Variants in LAMP2 observed in about 807,000 individuals in gnomAD.
LAMP2 encodes lysosome associated membrane protein 2.
In LAMP2, 4 loss-of-function variants were observed where a neutral mutation model predicts 25.6. That is an observed-to-expected ratio of 0.16 (90% CI 0.08 to 0.36). LAMP2 has a LOEUF of 0.36. Ranked by LOEUF, LAMP2 falls within the 10% of genes least tolerant of loss-of-function variation. The pLI is 1.00. For missense variants in LAMP2, 272 were observed against 301.4 expected, an observed-to-expected ratio of 0.90 and a Z score of 0.72; for synonymous variants, 108 against 112.7, an observed-to-expected ratio of 0.96 and a Z score of 0.27.
rs1457002561 is a variant in LAMP2, at chrX:120,466,850, T to C, written c.64+2256A>G. ...AAGGACAAATAACTTCTTTTTTTTT[T>C]TTTTTTTTTGAGACAGAGTTTCGCT... On this transcript the variant is annotated intron_variant, in intron 1 of 8. Coordinates refer to ENST00000200639, the MANE Select transcript of LAMP2 (RefSeq NM_002294.3). 3.7e-5 allele frequency among the ~76,000 whole-genome samples: 4 copies of C among 106,841 alleles called. No homozygotes were observed. The Admixed American group carries it at 3.9e-4, about 11-fold the overall frequency. 92.8% of individuals were successfully genotyped at this position (106,841 alleles called of 115,157 possible).
chrX:120,464,472 G>A (rs753044819), intron 1 of LAMP2, among the ~76,000 whole-genome samples: 2 of 111,534 alleles, frequency 1.8e-5, no homozygotes, highest in South Asian at 7.5e-4. Context: ...CTTAGAGACT[G>A]CTACCATAGG....
At chrX:120,431,563 G>T in intron 8 of LAMP2, 101 bp from the exon 9 acceptor site, 2 of 766,538 alleles carry the variant, frequency 2.6e-6, no homozygotes, top group South Asian at 2.2e-5. Flanking sequence ...CGCATATTTT[G>T]GTTTTTTATA....
At chrX:120,437,348 C>A (rs2058549601) in intron 8 of LAMP2, 5 of 739,341 alleles carry the variant, frequency 6.8e-6, no homozygotes, top group Non-Finnish European at 7.9e-6. Flanking sequence ...CATTCAATGT[C>A]AATATTTTGG....
At chrX:120,450,049 T>C (rs952346860) in intron 3 of LAMP2, among the ~76,000 whole-genome samples, 9 of 112,400 alleles carry the variant, frequency 8.0e-5, no homozygotes, top group African/African-American at 2.9e-4. Flanking sequence ...CATACATTTG[T>C]ATAGTAAATC....
chrX:120,445,623 T>C (rs1430207916), intron 6 of LAMP2, among the ~76,000 whole-genome samples: 1 of 112,134 alleles, frequency 8.9e-6, no homozygotes, highest in East Asian at 2.8e-4. Context: ...CACACATACA[T>C]CCCTTCACAG....
Position 120,455,958 on chromosome X carries a change from G to A in LAMP2, c.184-388C>T, listed in dbSNP as rs1016211818. Reference sequence around the variant, plus strand: ...GCAGTTTGTGCCAAAAAAAAAAATCGCTTACTTAGGTTGGTGCAAAAGTAA... The same window carrying A: ...GCAGTTTGTGCCAAAAAAAAAAATCACTTACTTAGGTTGGTGCAAAAGTAA... On this transcript the variant is annotated intron_variant, in intron 2 of 8. Coordinates refer to ENST00000200639, the MANE Select transcript of LAMP2 (RefSeq NM_002294.3). Among the ~76,000 whole-genome samples, 89 of 94,727 alleles carry A rather than the reference G, an allele frequency of 9.4e-4. No individual in the cohort carries two copies. The Admixed American group carries it at 1.0e-2, about 11-fold the overall frequency. The allele number at this position is 94,727 out of a possible 115,157, so 82.3% of individuals were successfully genotyped here.
chrX:120,436,568 A>T (rs1303562031), intron 8 of LAMP2: 1 of 735,340 alleles, frequency 1.4e-6, no homozygotes, highest in Non-Finnish European at 1.6e-6. Context: ...ATATCTAAAG[A>T]TACCATACAT....
Position 120,426,696 on chromosome X carries a change from C to T in LAMP2, c.*4627G>A, listed in dbSNP as rs752588468. Among the ~76,000 whole-genome samples, 7 of 111,877 alleles carry T rather than the reference C, an allele frequency of 6.3e-5. No homozygotes were observed. The Admixed American group carries it at 6.6e-4, about 11-fold the overall frequency. On this transcript the variant is annotated 3_prime_UTR_variant, in exon 9 of 9. Transcript: ENST00000200639. The stretch of plus-strand genomic sequence containing the variant: ...TCACAAGCTGATTTTATTAATCTGG[C>T]TTCTAGATAATCATCTCAAAAATAT...
intron 1 of LAMP2, among the ~76,000 whole-genome samples, chrX:120,462,726 T>C (rs1310291173): frequency 9.0e-6 from 1 of 111,072 alleles, no homozygotes; most frequent in African/African-American, 3.3e-5. Context: ...TGATCCAAGA[T>C]ACAATGGATT....
chrX:120,442,473 G>T, intron 7 of LAMP2, 126 bp downstream of exon 7: 1 of 604,881 alleles, frequency 1.7e-6, no homozygotes, highest in Non-Finnish European at 2.9e-6. Flanking sequence ...GTATGATCAA[G>T]GTACACTTTT....
intron 8 of LAMP2, chrX:120,439,258 T>C: frequency 8.3e-7 from 1 of 1,209,936 alleles, no homozygotes; most frequent in Non-Finnish European, 1.1e-6. Flanking sequence ...ATAATTGGGA[T>C]TAGAATGGTG....
chrX:120,430,297 C>T lies in LAMP2; in HGVS notation c.*1026G>A, dbSNP rs1432852397. 2.7e-6 allele frequency: 2 copies of T among 753,149 alleles called. No homozygotes were observed. Among genetic ancestry groups the T allele is most frequent in the East Asian group, 3.0e-4 (2 of 6,619 alleles). The allele number at this position is 753,149 out of a possible 1,213,427, so 62.1% of individuals were successfully genotyped here. On this transcript the variant is annotated 3_prime_UTR_variant, in exon 9 of 9. Coordinates refer to ENST00000200639, the MANE Select transcript of LAMP2 (RefSeq NM_002294.3). ...AATGCCAACAGCTTCTCTTTACACC[C>T]CCATCTATGCACTGCCCCACAGGGG... is the stretch of plus-strand genomic sequence containing the variant.
intron 1 of LAMP2, among the ~76,000 whole-genome samples, chrX:120,458,478 T>C (rs779628659): frequency 9.0e-5 from 10 of 111,519 alleles, no homozygotes; most frequent in Non-Finnish European, 1.7e-4. Flanking sequence ...AAATTCAAGA[T>C]AGTATACCTG....
chrX:120,437,295 A>G, intron 8 of LAMP2: 1 of 721,349 alleles, frequency 1.4e-6, no homozygotes, highest in African/African-American at 2.7e-5. Flanking sequence ...CTGCCTATAT[A>G]TGTGTGCATA....
rs766099821 is a variant in LAMP2 at position 120,456,626 on chromosome X, A to C, written c.183+25T>G. ...AATTAAATTCCTACTATAAAACTCA[A>C]AGAAAAATTAAAATATATACTTACA... is the stretch of plus-strand genomic sequence containing the variant. On this transcript the variant is annotated intron_variant, in intron 2 of 8. Transcript: ENST00000200639. 4 of 814,633 alleles carry C rather than the reference A, an allele frequency of 4.9e-6. No homozygotes were observed. The African/African-American group carries it at 8.3e-5, about 17-fold the overall frequency. The allele number at this position is 814,633 out of a possible 1,213,427, so 67.1% of individuals were successfully genotyped here. A position where few individuals can be genotyped will look rare whatever the true frequency, so the allele number is the denominator to read the frequency against.
intron 8 of LAMP2, chrX:120,437,047 AAC>A: frequency 1.4e-6 from 1 of 740,551 alleles, no homozygotes; most frequent in African/African-American, 2.3e-5. Flanking sequence ...TTTACACTAA[AAC>A]ACAGTTTAAA....
chrX:120,448,727 G>C (rs1366322384), intron 4 of LAMP2, among the ~76,000 whole-genome samples: 1 of 112,647 alleles, frequency 8.9e-6, no homozygotes, highest in East Asian at 2.8e-4. Flanking sequence ...GGTTTTATCA[G>C]CTGAGAACAG....
intron 1 of LAMP2, among the ~76,000 whole-genome samples, chrX:120,465,279 A>G (rs1033704838): frequency 9.2e-6 from 1 of 108,703 alleles, no homozygotes; most frequent in South Asian, 4.1e-4. Flanking sequence ...CCCACCCAGA[A>G]AAGCCTCAAA....
rs982443503 is a variant in LAMP2, at chrX:120,447,505, G to A, written c.741+336C>T. Among the ~76,000 whole-genome samples, 5 of 110,541 alleles carry A rather than the reference G, an allele frequency of 4.5e-5. No individual in the cohort carries two copies. The East Asian group carries it at 1.1e-3, about 25-fold the overall frequency. On this transcript the variant is annotated intron_variant, in intron 5 of 8. Transcript: ENST00000200639. The stretch of plus-strand genomic sequence containing the variant: ...GGGCGGAGCACAAGGTCAGGAGATC[G>A]AGACCGTCCTGGCTAACACGGTAAA...
Sources: allele counts gnomAD v4.1 joint callset (sites outside exome capture counted in the v4.1 genomes callset), GRCh38; gene constraint gnomAD v4.1.1; transcripts MANE v1.5; gene names NCBI Gene and HGNC (gene_info 2026-07-23, HGNC 2026-07-21).